AGAP1: variants seen among roughly 807,000 people sequenced by gnomAD.
The protein encoded by AGAP1 is ArfGAP with GTPase domain, ankyrin repeat and PH domain 1, also known as arf-GAP with GTPase, ANK repeat and PH domain-containing protein 1.
A neutral mutation model predicts 105.3 loss-of-function variants in AGAP1; 29 were observed. The observed-to-expected ratio is 0.28, with a 90% CI of 0.21 to 0.38. The LOEUF is 0.38. Ranked by LOEUF, AGAP1 falls within the 10% of genes least tolerant of loss-of-function variation. The pLI, the probability that AGAP1 is intolerant of heterozygous loss-of-function variation, is 1.00. For synonymous variants in AGAP1, 509 were observed against 485.9 expected (o/e 1.05, Z -0.63); for missense variants, 998 against 1,165.1 (o/e 0.86, Z 2.09).
intron 8 of AGAP1, 106 bp from the exon 9 acceptor site, chr2:235,807,133 G>T (rs1255637110): frequency 1.2e-5 from 13 of 1,105,482 alleles, no homozygotes; most frequent in Non-Finnish European, 1.6e-5. Flanking sequence ...CATAGATCGC[G>T]CATGTTTTCT....
chr2:235,632,857 G>A (rs28682973), intron 1 of AGAP1, among the ~76,000 whole-genome samples: 26,506 of 152,176 alleles, frequency 0.17, 2,518 homozygotes, highest in Non-Finnish European at 0.2. Flanking sequence ...ATGCTCTGCC[G>A]CTTTGATTTC....
At chr2:235,922,926 T>G (rs1575787708) in intron 11 of AGAP1, among the ~76,000 whole-genome samples, 1 of 152,368 alleles carries the variant, frequency 6.6e-6, no homozygotes, top group East Asian at 1.9e-4. Context: ...AATTATTCTT[T>G]GGAAAGAATC....
intron 9 of AGAP1, among the ~76,000 whole-genome samples, chr2:235,826,402 C>T (rs970367163): frequency 6.6e-6 from 1 of 152,176 alleles, no homozygotes; most frequent in Admixed American, 6.5e-5. Flanking sequence ...TTTCTACTTT[C>T]GTCTCCGTTG....
At chr2:235,922,921 T>C (rs970293617) in intron 11 of AGAP1, among the ~76,000 whole-genome samples, 6 of 152,378 alleles carry the variant, frequency 3.9e-5, no homozygotes, top group South Asian at 4.1e-4. Flanking sequence ...GCTAAAATTA[T>C]TCTTTGGAAA....
chr2:236,011,678 G>C (rs185897898), intron 13 of AGAP1, among the ~76,000 whole-genome samples: 2 of 152,308 alleles, frequency 1.3e-5, no homozygotes, highest in East Asian at 1.9e-4. Flanking sequence ...AAGTTAGCCT[G>C]TGTTTAAGAG....
At chr2:235,647,131 AAAAAAAG>A (rs1365332758) in intron 1 of AGAP1, among the ~76,000 whole-genome samples, 3 of 152,092 alleles carry the variant, frequency 2.0e-5, no homozygotes, top group African/African-American at 7.2e-5. Flanking sequence ...AAAAAAAAAA[AAAAAAAG>A]AAAAGTCAAG....
chr2:235,998,445 C>T (rs897841489), intron 13 of AGAP1, among the ~76,000 whole-genome samples: 1 of 152,112 alleles, frequency 6.6e-6, no homozygotes, highest in African/African-American at 2.4e-5. Context: ...CTAACTGAGC[C>T]CCTATCTTAC....
In AGAP1 at chr2:235,867,969, T is replaced by A. The variant is rs1209751032; in HGVS notation, c.1051-15376T>A. Among the ~76,000 whole-genome samples, 1 of 152,178 alleles carries A rather than the reference T, an allele frequency of 6.6e-6. No homozygotes were observed. The highest frequency in any genetic ancestry group is 2.4e-5 in the African/African-American group (1 of 41,442). On this transcript the variant is annotated intron_variant, in intron 9 of 17. Transcript: ENST00000304032. The surrounding 1 kb of genome is among the most constrained non-coding windows in gnomAD (Gnocchi z 5.4). ...ATACATGTTTATAGGGGGAAAAATCTTAATTAGAATAATTAGAATAAAATT... is the reference window on the plus strand; with the variant it reads ...ATACATGTTTATAGGGGGAAAAATCATAATTAGAATAATTAGAATAAAATT...
At position 235,775,150 on chromosome 2, in the gene AGAP1, G is replaced by A. The variant is rs139739833; in HGVS notation, c.674-22609G>A. Among the ~76,000 whole-genome samples the A allele has an allele frequency of 6.3e-3, 953 of 152,326 alleles. 12 individuals are homozygous for A. The highest frequency in any genetic ancestry group is 0.027 in the Middle Eastern group (8 of 294). On this transcript the variant is annotated intron_variant, in intron 6 of 17. Transcript: ENST00000304032. ...GGAACAGAGAAGGTGAGTGGGGACAGAGCCCACAGGTCCTGCAGGTGTCCA... is the reference window on the plus strand; with the variant it reads ...GGAACAGAGAAGGTGAGTGGGGACAAAGCCCACAGGTCCTGCAGGTGTCCA...
At chr2:235,794,391 A>G (rs73998917) in intron 6 of AGAP1, among the ~76,000 whole-genome samples, 6,199 of 152,292 alleles carry the variant, frequency 0.041, 414 homozygotes, top group African/African-American at 0.14. Flanking sequence ...GGAGTAGCTC[A>G]TGTGACAGAG....
At chr2:235,616,507 G>T (rs1342200029) in intron 1 of AGAP1, among the ~76,000 whole-genome samples, 1 of 152,182 alleles carries the variant, frequency 6.6e-6, no homozygotes, top group Admixed American at 6.5e-5. Context: ...CATCTGGAGA[G>T]AAATTTGTCA....
chr2:236,105,865 G>A lies in AGAP1; in HGVS notation c.2115-14327G>A, dbSNP rs906684343. On this transcript the variant is annotated intron_variant, in intron 16 of 17. Coordinates refer to ENST00000304032, the MANE Select transcript of AGAP1 (RefSeq NM_001037131.3). This position sits in a 1 kb window ranked among gnomAD's most constrained non-coding sequence, Gnocchi z 4.2. Reference sequence around the variant, plus strand: ...ACCCTCCTCGGCCTCCCAAAGTGCTGGGATTACAGGCGTGAGCCATCGTGC... The same window carrying A: ...ACCCTCCTCGGCCTCCCAAAGTGCTAGGATTACAGGCGTGAGCCATCGTGC... Among the ~76,000 whole-genome samples the A allele has an allele frequency of 1.3e-5, 2 of 152,164 alleles. No individual in the cohort carries two copies. Among genetic ancestry groups the A allele is most frequent in the African/African-American group, 4.8e-5 (2 of 41,442 alleles).
rs1421904310 is a variant in AGAP1, at chr2:235,586,251, G to T, written c.163+91402G>T. On this transcript the variant is annotated intron_variant, in intron 1 of 17. Transcript: ENST00000304032. The surrounding 1 kb of genome is among the most constrained non-coding windows in gnomAD (Gnocchi z 4.2). ...CCATACGGGCATGTTATCCAGAAGA[G>T]AGGAGAGAGAAGCCCGCTGCACTCT... 6.6e-6 allele frequency among the ~76,000 whole-genome samples: 1 copy of T among 152,204 alleles called. No homozygotes were observed. Among genetic ancestry groups the T allele is most frequent in the Non-Finnish European group, 1.5e-5 (1 of 68,040 alleles).
chr2:236,123,785 G>T lies in AGAP1; in HGVS notation c.2371-134G>T, dbSNP rs1220239899. 1 of 1,108,330 alleles carries T rather than the reference G, an allele frequency of 9.0e-7. No individual in the cohort carries two copies. Among genetic ancestry groups the T allele is most frequent in the Non-Finnish European group, 1.3e-6 (1 of 764,196 alleles). The allele number at this position is 1,108,330 out of a possible 1,614,324, so 68.7% of individuals were successfully genotyped here. The stretch of plus-strand genomic sequence containing the variant: ...GTGCCACCAGCACTGGATGGTCCTG[G>T]CACCCCAGCCAGTTGTGTAGCTGGC... On this transcript the variant is annotated intron_variant, in intron 17 of 17. Coordinates refer to ENST00000304032, the MANE Select transcript of AGAP1 (RefSeq NM_001037131.3). The surrounding 1 kb of genome is among the most constrained non-coding windows in gnomAD (Gnocchi z 4.6).
At chr2:236,030,633 G>T (rs546764374) in intron 13 of AGAP1, among the ~76,000 whole-genome samples, 1 of 152,168 alleles carries the variant, frequency 6.6e-6, no homozygotes, top group South Asian at 2.1e-4. Flanking sequence ...GTTTCACCTC[G>T]TGTATTTGAT....
At chr2:235,603,008 A>C (rs1945784020) in intron 1 of AGAP1, among the ~76,000 whole-genome samples, 2 of 152,094 alleles carry the variant, frequency 1.3e-5, no homozygotes, top group Non-Finnish European at 2.9e-5. Flanking sequence ...GGCCCATCGG[A>C]CACACTTCTT....
chr2:235,992,087 A>G lies in AGAP1; in HGVS notation c.1645+23464A>G, dbSNP rs2055589805. The stretch of plus-strand genomic sequence containing the variant: ...ACATGGCCGTAGCCGTGTGTGGAGA[A>G]GGGTTGTGATGGTGGCCATCACGAG... On this transcript the variant is annotated intron_variant, in intron 13 of 17. Transcript: ENST00000304032. The surrounding 1 kb of genome is among the most constrained non-coding windows in gnomAD (Gnocchi z 4.8). Among the ~76,000 whole-genome samples, 1 of 152,202 alleles carries G rather than the reference A, an allele frequency of 6.6e-6. No homozygotes were observed. Among genetic ancestry groups the G allele is most frequent in the African/African-American group, 2.4e-5 (1 of 41,464 alleles).
At position 235,901,102 on chromosome 2, in the gene AGAP1, T is replaced by A. The variant is rs1158434522; in HGVS notation, c.1156-7636T>A. Among the ~76,000 whole-genome samples, 1 of 152,262 alleles carries A rather than the reference T, an allele frequency of 6.6e-6. No homozygotes were observed. The highest frequency in any genetic ancestry group is 1.9e-4 in the East Asian group (1 of 5,206). On this transcript the variant is annotated intron_variant, in intron 10 of 17. Coordinates refer to ENST00000304032, the MANE Select transcript of AGAP1 (RefSeq NM_001037131.3). This position sits in a 1 kb window ranked among gnomAD's most constrained non-coding sequence, Gnocchi z 4.3. ...TATTTTTAGGAGCATGACTTTGGTCTGCACCTGTGACTACGTACAAGGCCA... is the reference window on the plus strand; with the variant it reads ...TATTTTTAGGAGCATGACTTTGGTCAGCACCTGTGACTACGTACAAGGCCA...
At chr2:235,854,783 C>T (rs1026108296) in intron 9 of AGAP1, among the ~76,000 whole-genome samples, 4 of 152,148 alleles carry the variant, frequency 2.6e-5, no homozygotes, top group African/African-American at 9.7e-5. Flanking sequence ...CCCCTGGTTT[C>T]GCTTGTTTAT....
Sources: gnomAD v4.1 joint callset for allele counts (sites outside exome capture counted in the v4.1 genomes callset) on GRCh38, gnomAD v4.1.1 for gene constraint, Gnocchi (gnomAD v3.1) non-coding constraint, MANE v1.5 for transcripts, NCBI Gene and HGNC (gene_info 2026-07-23, HGNC 2026-07-21) for gene names.